Variants in MICU1 observed in about 807,000 individuals in gnomAD.
MICU1 encodes calcium uptake protein 1, mitochondrial.
In MICU1, 45 loss-of-function variants were observed where a neutral mutation model predicts 56.8. That is an observed-to-expected ratio of 0.79 (90% CI 0.62 to 1.02). MICU1 has a LOEUF of 1.02. Among genes scored for constraint, MICU1 ranks in the 50% least tolerant of loss-of-function variants. The pLI is 0.00. For synonymous variants in MICU1, 186 were observed against 195.1 expected, an observed-to-expected ratio of 0.95 and a Z score of 0.39; for missense variants, 504 against 587.1, an observed-to-expected ratio of 0.86 and a Z score of 1.46.
At chr10:72,512,331 T>G (rs1030457385) in intron 5 of MICU1, among the ~76,000 whole-genome samples, 2 of 151,930 alleles carry the variant, frequency 1.3e-5, no homozygotes, top group African/African-American at 4.8e-5. Context: ...ATGGTCTCGA[T>G]CTCCTAATCT....
At chr10:72,408,133 A>C in intron 9 of MICU1, 96 bp from the exon 10 acceptor site, 1 of 711,840 alleles carries the variant, frequency 1.4e-6, no homozygotes, top group East Asian at 2.6e-5. Context: ...TCAGAAATTC[A>C]TGCTCATGTC....
intron 11 of MICU1, among the ~76,000 whole-genome samples, chr10:72,374,050 T>C (rs910363789): frequency 6.6e-6 from 1 of 152,236 alleles, no homozygotes; most frequent in Non-Finnish European, 1.5e-5. Flanking sequence ...GCCATCTCTT[T>C]AACCTAGCCC....
intron 1 of MICU1, among the ~76,000 whole-genome samples, chr10:72,579,389 A>G (rs1840838930): frequency 6.6e-6 from 1 of 152,126 alleles, no homozygotes; most frequent in African/African-American, 2.4e-5. Flanking sequence ...TTGACCTCTT[A>G]AAGAGCACTA....
chr10:72,608,084 TG>T (rs966308870), intron 1 of MICU1, among the ~76,000 whole-genome samples: 7 of 152,274 alleles, frequency 4.6e-5, no homozygotes, highest in Middle Eastern at 3.4e-3. Flanking sequence ...ATTTTTTTTT[TG>T]AGACAGGGTG....
At chr10:72,490,443 C>T (rs559605063) in intron 6 of MICU1, among the ~76,000 whole-genome samples, 11 of 152,104 alleles carry the variant, frequency 7.2e-5, no homozygotes, top group Non-Finnish European at 1.3e-4. Flanking sequence ...GCAAAAAGTT[C>T]GCACTGTAGA....
chr10:72,557,305 C>T (rs1254560721), intron 3 of MICU1, among the ~76,000 whole-genome samples: 1 of 152,124 alleles, frequency 6.6e-6, no homozygotes, highest in African/African-American at 2.4e-5. Flanking sequence ...TATATGGCTT[C>T]CAAGGTCAGT....
chr10:72,592,777 TTC>T (rs1841263181), intron 1 of MICU1, among the ~76,000 whole-genome samples: 1 of 150,706 alleles, frequency 6.6e-6, no homozygotes, highest in African/African-American at 2.4e-5. Flanking sequence ...CCACACACTT[TTC>T]TTTCTTTTTT....
At chr10:72,385,845 T>C (rs1862869643) in intron 10 of MICU1, among the ~76,000 whole-genome samples, 1 of 152,248 alleles carries the variant, frequency 6.6e-6, no homozygotes, top group East Asian at 1.9e-4. Context: ...CTTAGCAGAC[T>C]GAGGCGAGAG....
rs182073196 is a variant in MICU1 at position 72,551,297 on chromosome 10, G to A, written c.375C>T (p.Asp125=). The change falls in exon 4 of 12, where the codon GAC becomes GAT. Residue 125 remains aspartate, a synonymous_variant. Coordinates refer to ENST00000361114, the MANE Select transcript of MICU1 (RefSeq NM_001195518.2). ...ENRIRAYSTP[D]KIFRYFATLK... ...AGGTGGCAAAATATCGGAAGATTTT[G>A]TCTGGCGTGGAGTAGGCTCGAATCC... The A allele has an allele frequency of 6.2e-6, 10 of 1,613,294 alleles. No homozygotes were observed. The Admixed American group carries it at 1.5e-4, about 24-fold the overall frequency.
intron 1 of MICU1, among the ~76,000 whole-genome samples, chr10:72,601,559 C>A (rs1841535913): frequency 1.3e-5 from 2 of 151,804 alleles, no homozygotes; most frequent in African/African-American, 2.4e-5. Context: ...TATCTTTTCC[C>A]CATCTATCCC....
chr10:72,441,898 G>A (rs1013638009), intron 8 of MICU1, among the ~76,000 whole-genome samples: 3 of 152,014 alleles, frequency 2.0e-5, no homozygotes, highest in Non-Finnish European at 2.9e-5. Flanking sequence ...GATTATAGGC[G>A]TGAGCCACCA....
chr10:72,444,776 C>T (rs570076524), intron 8 of MICU1, among the ~76,000 whole-genome samples: 7 of 152,232 alleles, frequency 4.6e-5, no homozygotes, highest in African/African-American at 9.6e-5. Flanking sequence ...GTGCCTGTGT[C>T]GCACACAGAG....
chr10:72,564,187 T>C (rs865802516), intron 2 of MICU1, among the ~76,000 whole-genome samples: 11 of 151,474 alleles, frequency 7.3e-5, no homozygotes, highest in African/African-American at 2.7e-4. Context: ...ATACAGAAAA[T>C]TGAACAAAAT....
At chr10:72,561,784 C>T (rs1406043314) in intron 3 of MICU1, among the ~76,000 whole-genome samples, 1 of 152,224 alleles carries the variant, frequency 6.6e-6, no homozygotes, top group Non-Finnish European at 1.5e-5. Context: ...GCACTCTAGC[C>T]TGGGCAACAG....
At chr10:72,610,892 A>G (rs966788374) in intron 1 of MICU1, among the ~76,000 whole-genome samples, 1 of 152,196 alleles carries the variant, frequency 6.6e-6, no homozygotes, top group African/African-American at 2.4e-5. Flanking sequence ...TTGTATTTCT[A>G]TTTTACTAGC....
At chr10:72,481,377 G>A (rs1192752115) in intron 6 of MICU1, among the ~76,000 whole-genome samples, 1 of 152,032 alleles carries the variant, frequency 6.6e-6, no homozygotes, top group African/African-American at 2.4e-5. Context: ...CCATAGAAAG[G>A]TTCTGAAAGA....
chr10:72,499,961 G>A (rs946122563), intron 6 of MICU1, among the ~76,000 whole-genome samples: 12 of 151,904 alleles, frequency 7.9e-5, no homozygotes, highest in Non-Finnish European at 1.8e-4. Flanking sequence ...ATCTCAAAAG[G>A]CTTGTATATT....
intron 1 of MICU1, among the ~76,000 whole-genome samples, chr10:72,605,039 T>C (rs1294158702): frequency 6.6e-6 from 1 of 152,166 alleles, no homozygotes; most frequent in Non-Finnish European, 1.5e-5. Context: ...TATGAATAAA[T>C]ACTTGTTTTG....
chr10:72,418,763 T>C (rs1402737988), intron 9 of MICU1, among the ~76,000 whole-genome samples: 2 of 152,164 alleles, frequency 1.3e-5, no homozygotes, highest in African/African-American at 2.4e-5. Context: ...AAGAAGCAAT[T>C]AGAAAGCAGA....
Sources: gnomAD v4.1 joint callset for allele counts (sites outside exome capture counted in the v4.1 genomes callset) on GRCh38, gnomAD v4.1.1 for gene constraint, MANE v1.5 for transcripts, NCBI Gene and HGNC (gene_info 2026-07-23, HGNC 2026-07-21) for gene names.